The following ADCY2 variants were observed in gnomAD, a reference collection of about 807,000 sequenced individuals.
ADCY2 encodes adenylate cyclase type 2.
A neutral mutation model predicts 125.2 loss-of-function variants in ADCY2; 31 were observed. That is an observed-to-expected ratio of 0.25 (90% CI 0.19 to 0.33). The LOEUF is 0.33. ADCY2 is among the 10% of genes least tolerant of loss of function. The pLI is 1.00. For synonymous variants in ADCY2, 512 were observed against 548.4 expected, an observed-to-expected ratio of 0.93 and a Z score of 0.93; for missense variants, 904 against 1,418.2, an observed-to-expected ratio of 0.64 and a Z score of 5.82.
rs536314093 is a variant in ADCY2 at position 7,454,168 on chromosome 5, T to C, written c.408+39398T>C. 7.2e-4 allele frequency among the ~76,000 whole-genome samples: 110 copies of C among 152,262 alleles called. 1 individual carries two copies. The highest frequency in any genetic ancestry group is 2.6e-3 in the African/African-American group (107 of 41,550). On this transcript the variant is annotated intron_variant, in intron 2 of 24. Coordinates refer to ENST00000338316, the MANE Select transcript of ADCY2 (RefSeq NM_020546.3). The stretch of plus-strand genomic sequence containing the variant: ...CAGCTGTCTTCTGTAGCACCTTGAG[T>C]CAGCGGCTGTCAACACTGAGGCAAG...
At chr5:7,752,894 C>CTTT (rs11319936) in intron 15 of ADCY2, among the ~76,000 whole-genome samples, 3 of 94,378 alleles carry the variant, frequency 3.2e-5, no homozygotes, top group Non-Finnish European at 4.3e-5. Flanking sequence ...TAGGATTTTC[C>CTTT]TTTTTTTTTT....
intron 23 of ADCY2, among the ~76,000 whole-genome samples, chr5:7,819,489 A>G (rs1745228052): frequency 6.6e-6 from 1 of 152,192 alleles, no homozygotes; most frequent in South Asian, 2.1e-4. Context: ...GAACTGTTGA[A>G]TGGACCTCCT....
chr5:7,814,826 GA>G (rs1302669948), intron 22 of ADCY2, among the ~76,000 whole-genome samples: 1 of 152,180 alleles, frequency 6.6e-6, no homozygotes, highest in African/African-American at 2.4e-5. Context: ...CTTCATCTCT[GA>G]TTTAGCTCCC....
intron 4 of ADCY2, among the ~76,000 whole-genome samples, chr5:7,682,829 T>C (rs28441240): frequency 0.02 from 3,052 of 152,322 alleles, 112 homozygotes; most frequent in African/African-American, 0.07. Context: ...ATTAAAACTT[T>C]GGAGAATATA....
At chr5:7,693,408 T>TTG (rs1561170646) in intron 5 of ADCY2, among the ~76,000 whole-genome samples, 2 of 67,632 alleles carry the variant, frequency 3.0e-5, no homozygotes, top group African/African-American at 8.5e-5. Context: ...TGCCTGCTGT[T>TTG]TTTTGTTTTT....
intron 3 of ADCY2, among the ~76,000 whole-genome samples, chr5:7,563,876 G>T (rs1735806715): frequency 2.0e-5 from 3 of 152,132 alleles, no homozygotes; most frequent in Admixed American, 2.0e-4. Context: ...AATATTGATT[G>T]TGTGAGTGCA....
At position 7,695,785 on chromosome 5, in the gene ADCY2, G is replaced by A. The variant is rs1286337968; in HGVS notation, c.903G>A (p.Arg301=). Residue 301 remains arginine (R), a synonymous_variant, in exon 6 of 25, where the codon CGG becomes CGA. Transcript: ENST00000338316. ...ILYADIVGFT[R]LASDCSPGEL... ...ACGCTGACATCGTTGGCTTTACCCG[G>A]CTGGCAAGTGACTGCTCCCCGGGAG... 1 of 1,612,508 alleles carries A rather than the reference G, an allele frequency of 6.2e-7. No homozygotes were observed. The highest frequency in any genetic ancestry group is 1.7e-5 in the Admixed American group (1 of 59,748).
intron 4 of ADCY2, among the ~76,000 whole-genome samples, chr5:7,635,653 A>T (rs1738473685): frequency 1.3e-5 from 2 of 152,192 alleles, no homozygotes; most frequent in Admixed American, 1.3e-4. Context: ...TCATCAGCAT[A>T]TAGTTCCTAT....
At chr5:7,465,997 C>T (rs1742100983) in intron 2 of ADCY2, among the ~76,000 whole-genome samples, 1 of 152,120 alleles carries the variant, frequency 6.6e-6, no homozygotes, top group South Asian at 2.1e-4. Context: ...TATTTTCTAC[C>T]TTCCAGATGA....
chr5:7,667,504 A>G (rs1269968388), intron 4 of ADCY2, among the ~76,000 whole-genome samples: 1 of 151,532 alleles, frequency 6.6e-6, no homozygotes, highest in African/African-American at 2.5e-5. Context: ...ACTTTTCTTC[A>G]TACTTTTAAC....
chr5:7,734,970 G>T lies in ADCY2; in HGVS notation c.1871+7709G>T, dbSNP rs901219353. On this transcript the variant is annotated intron_variant, in intron 14 of 24. Transcript: ENST00000338316. ...ATAGTTCTGCAGCCAATTCTCATAA[G>T]GGCACTAATGCCATTCATGAGGTCT... Among the ~76,000 whole-genome samples the T allele has an allele frequency of 5.3e-5, 8 of 152,246 alleles. No individual in the cohort carries two copies. The East Asian group carries it at 1.2e-3, about 22-fold the overall frequency.
At chr5:7,801,021 A>T (rs1744577580) in intron 20 of ADCY2, 1 of 152,148 alleles carries the variant, frequency 6.6e-6, no homozygotes, top group East Asian at 1.9e-4. Context: ...AGTAGTAGGG[A>T]TTACAGAGTG....
intron 2 of ADCY2, among the ~76,000 whole-genome samples, chr5:7,479,744 C>T (rs1383661310): frequency 2.6e-5 from 4 of 152,054 alleles, no homozygotes; most frequent in Non-Finnish European, 1.5e-5. Flanking sequence ...GTAAATCCCC[C>T]CAGTTACCCT....
chr5:7,601,983 C>G (rs1255737813), intron 3 of ADCY2, among the ~76,000 whole-genome samples: 1 of 152,226 alleles, frequency 6.6e-6, no homozygotes, highest in African/African-American at 2.4e-5. Flanking sequence ...TCCCTTCTCT[C>G]TTCCAGCTTC....
rs147180794 is a variant in ADCY2 at position 7,564,432 on chromosome 5, G to A, written c.570+43533G>A. 1.3e-3 allele frequency among the ~76,000 whole-genome samples: 193 copies of A among 152,232 alleles called. 1 individual carries two copies. The highest frequency in any genetic ancestry group is 4.4e-3 in the African/African-American group (181 of 41,540). ...TACTACAGGGTTTCCAGCATGCTGG[G>A]CACTTTTCTTAGCCCTCTGCATATA... On this transcript the variant is annotated intron_variant, in intron 3 of 24. Transcript: ENST00000338316.
At position 7,727,170 on chromosome 5, in the gene ADCY2, G is replaced by C; in HGVS notation, c.1780G>C (p.Ala594Pro). Reference sequence around the variant, plus strand: ...GTTCCTTTCTCCCCCTCAGTACCGGGCCACGGCACTGCCAGCGTTCAAGTA... The same window carrying C: ...GTTCCTTTCTCCCCCTCAGTACCGGCCCACGGCACTGCCAGCGTTCAAGTA... ...YNKVLEKEYRATALPAFKYYV... is the reference protein window; with the variant it reads ...YNKVLEKEYRPTALPAFKYYV... Residue 594 changes from alanine (A) to proline (P), a missense_variant, in exon 14 of 25, where the codon GCC becomes CCC. This residue lies in a region of ADCY2 where 144 missense variants were observed against 227.7 expected (regional missense o/e 0.63). Transcript: ENST00000338316. The C allele has an allele frequency of 6.2e-7, 1 of 1,613,726 alleles. No homozygotes were observed. Among genetic ancestry groups the C allele is most frequent in the Non-Finnish European group, 8.5e-7 (1 of 1,179,802 alleles).
At chr5:7,747,425 GCT>G (rs1742662023) in intron 15 of ADCY2, among the ~76,000 whole-genome samples, 1 of 152,024 alleles carries the variant, frequency 6.6e-6, no homozygotes, top group Non-Finnish European at 1.5e-5. Flanking sequence ...CTCTCATCCG[GCT>G]CTGGTTAGCA....
intron 1 of ADCY2, among the ~76,000 whole-genome samples, chr5:7,404,550 A>T (rs917964178): frequency 1.3e-5 from 2 of 152,196 alleles, no homozygotes; most frequent in African/African-American, 2.4e-5. Flanking sequence ...CTTCTTTCCT[A>T]ATTGTTGCAC....
At chr5:7,650,642 C>G (rs112679735) in intron 4 of ADCY2, among the ~76,000 whole-genome samples, 2 of 152,058 alleles carry the variant, frequency 1.3e-5, no homozygotes, top group Admixed American at 6.5e-5. Context: ...CAGTGGCTTG[C>G]GATTTCTGTA....
Sources: gnomAD v4.1 joint callset for allele counts (sites outside exome capture counted in the v4.1 genomes callset) on GRCh38, gnomAD v4.1.1 for gene constraint, gnomAD v4.1.1 regional missense constraint, MANE v1.5 for transcripts, NCBI Gene and HGNC (gene_info 2026-07-23, HGNC 2026-07-21) for gene names.